The following SEMA3A variants were observed in gnomAD, a reference collection of about 807,000 sequenced individuals.
The protein encoded by SEMA3A is semaphorin 3A.
In SEMA3A, 29 loss-of-function variants were observed where a neutral mutation model predicts 97.9. The ratio of observed to expected loss-of-function variants is 0.30; its 90% CI spans 0.22 to 0.40. The LOEUF is 0.40. SEMA3A is among the 10% of genes least tolerant of loss of function. SEMA3A has a pLI of 1.00. For missense variants in SEMA3A, 763 were observed against 951.3 expected, an observed-to-expected ratio of 0.80 and a Z score of 2.60; for synonymous variants, 321 against 323.7, an observed-to-expected ratio of 0.99 and a Z score of 0.09.
chr7:84,186,297 C>A (rs1279286042), intron 1 of SEMA3A, among the ~76,000 whole-genome samples: 2 of 151,972 alleles, frequency 1.3e-5, no homozygotes, highest in Non-Finnish European at 2.9e-5. Flanking sequence ...AGAATCTATT[C>A]ATAAAGAAAT....
intron 4 of SEMA3A, among the ~76,000 whole-genome samples, chr7:84,062,072 TTAAA>T (rs991339395): frequency 1.3e-5 from 2 of 152,144 alleles, no homozygotes; most frequent in Middle Eastern, 3.2e-3. Flanking sequence ...ATTTGGAGGG[TTAAA>T]TAATTTATTT....
chr7:83,981,180 G>T, intron 14 of SEMA3A, 141 bp downstream of exon 14: 2 of 850,952 alleles, frequency 2.4e-6, no homozygotes, highest in Non-Finnish European at 3.6e-6. Flanking sequence ...AAAACAAAAC[G>T]CAACAATCCC....
At chr7:84,483,127 G>A (rs1806488195) in intron 1 of SEMA3A, among the ~76,000 whole-genome samples, 1 of 152,096 alleles carries the variant, frequency 6.6e-6, no homozygotes, top group African/African-American at 2.4e-5. Context: ...TAGACATAAT[G>A]GGAATAGGCC....
intron 1 of SEMA3A, among the ~76,000 whole-genome samples, chr7:84,407,771 C>T (rs1804140496): frequency 6.6e-6 from 1 of 152,116 alleles, no homozygotes; most frequent in East Asian, 1.9e-4. Context: ...TTTGACAAAC[C>T]TGACAAAAAC....
At chr7:84,366,900 T>A (rs933220983) in intron 2 of SEMA3A, among the ~76,000 whole-genome samples, 2 of 151,330 alleles carry the variant, frequency 1.3e-5, no homozygotes, top group African/African-American at 4.8e-5. Context: ...GTGCTCTCAC[T>A]TGATTCTATA....
intron 1 of SEMA3A, among the ~76,000 whole-genome samples, chr7:84,144,529 T>A (rs1362197343): frequency 6.6e-6 from 1 of 152,098 alleles, no homozygotes; most frequent in African/African-American, 2.4e-5. Context: ...TAATAATTAA[T>A]AGAACTTATT....
At chr7:84,165,540 C>CATACAAG (rs1326209671) in intron 1 of SEMA3A, among the ~76,000 whole-genome samples, 1 of 151,920 alleles carries the variant, frequency 6.6e-6, no homozygotes, top group Non-Finnish European at 1.5e-5. Flanking sequence ...TGTAGCATAG[C>CATACAAG]TGGTTATATA....
intron 4 of SEMA3A, among the ~76,000 whole-genome samples, chr7:84,088,531 G>A (rs2115835795): frequency 6.6e-6 from 1 of 152,158 alleles, no homozygotes; most frequent in Non-Finnish European, 1.5e-5. Context: ...TACTTAAGGG[G>A]AAGATTCCTG....
chr7:84,078,520 T>C (rs150816666), intron 4 of SEMA3A, among the ~76,000 whole-genome samples: 1 of 152,220 alleles, frequency 6.6e-6, no homozygotes, highest in East Asian at 1.9e-4. Context: ...TGCCATTCTT[T>C]AGCTTTACTT....
chr7:84,091,135 A>G (rs866841639), intron 4 of SEMA3A, among the ~76,000 whole-genome samples: 30 of 50,970 alleles, frequency 5.9e-4, no homozygotes, highest in African/African-American at 1.3e-3. Flanking sequence ...AAAGAAAGAA[A>G]GAAGGAAGGA....
At chr7:83,963,895 A>G (rs1788575334) in intron 15 of SEMA3A, among the ~76,000 whole-genome samples, 1 of 152,228 alleles carries the variant, frequency 6.6e-6, no homozygotes, top group African/African-American at 2.4e-5. Flanking sequence ...CTATCCACCA[A>G]TAATTCCTAA....
intron 1 of SEMA3A, among the ~76,000 whole-genome samples, chr7:84,486,607 A>T (rs1298754037): frequency 6.6e-6 from 1 of 152,162 alleles, no homozygotes; most frequent in Non-Finnish European, 1.5e-5. Flanking sequence ...ACGAGTATTC[A>T]CACAAATGTT....
At chr7:83,979,410 G>A (rs1789303366) in intron 14 of SEMA3A, among the ~76,000 whole-genome samples, 1 of 152,142 alleles carries the variant, frequency 6.6e-6, no homozygotes, top group South Asian at 2.1e-4. Context: ...GGGATTACAG[G>A]TGTGAGCCAC....
intron 1 of SEMA3A, among the ~76,000 whole-genome samples, chr7:84,404,306 A>G (rs1329900209): frequency 2.0e-5 from 3 of 152,280 alleles, no homozygotes; most frequent in Admixed American, 1.3e-4. Context: ...GATGGAAGAC[A>G]AAATGAATGA....
intron 3 of SEMA3A, among the ~76,000 whole-genome samples, chr7:84,121,146 C>G (rs1795601097): frequency 6.6e-6 from 1 of 152,098 alleles, no homozygotes. Flanking sequence ...GCAAACCAGC[C>G]TTCTACTTCA....
At chr7:84,258,211 G>A (rs1303669926) in intron 3 of SEMA3A, among the ~76,000 whole-genome samples, 2 of 152,040 alleles carry the variant, frequency 1.3e-5, no homozygotes, top group South Asian at 2.1e-4. Context: ...GGGGGTCAAC[G>A]GGTAGAGGAG....
intron 1 of SEMA3A, among the ~76,000 whole-genome samples, chr7:84,457,733 C>T (rs1805720959): frequency 6.6e-6 from 1 of 151,842 alleles, no homozygotes; most frequent in Non-Finnish European, 1.5e-5. Context: ...ACAAATATAC[C>T]TAGTTATAAA....
At chr7:84,359,061 A>G (rs902567093) in intron 2 of SEMA3A, among the ~76,000 whole-genome samples, 18 of 152,208 alleles carry the variant, frequency 1.2e-4, no homozygotes, top group Admixed American at 3.9e-4. Context: ...GGTTTTCTAC[A>G]TATACAACCA....
chr7:84,060,689 T>C, intron 4 of SEMA3A, 131 bp from the exon 5 acceptor site: 2 of 548,798 alleles, frequency 3.6e-6, no homozygotes, highest in Non-Finnish European at 6.0e-6. Flanking sequence ...TTTGTTCAAA[T>C]TTTTGAGATG....
Sources: allele counts gnomAD v4.1 joint callset (sites outside exome capture counted in the v4.1 genomes callset), GRCh38; gene constraint gnomAD v4.1.1; transcripts MANE v1.5; gene names NCBI Gene and HGNC (gene_info 2026-07-23, HGNC 2026-07-21).